RASA1: variants seen among roughly 807,000 people sequenced by gnomAD.
RASA1 encodes the protein ras GTPase-activating protein 1.
RASA1 carries 25 observed loss-of-function variants against 132.2 expected under a neutral mutation model. That is an observed-to-expected ratio of 0.19 (90% confidence interval 0.14 to 0.26). The LOEUF (loss-of-function observed/expected upper bound fraction) is 0.26, where lower values mean the gene tolerates loss of function less well. Among genes scored for constraint, RASA1 ranks in the 10% least tolerant of loss-of-function variants. The probability of loss-of-function intolerance (pLI) is 1.00; values close to 1 mark genes in which losing one functional copy is unlikely to be tolerated. For synonymous variants in RASA1, 477 were observed against 449.9 expected, an observed-to-expected ratio of 1.06 and a Z score of -0.76; for missense variants, 964 against 1,299.2, an observed-to-expected ratio of 0.74 and a Z score of 3.97.
At chr5:87,367,457 G>A (rs1172029157) in intron 11 of RASA1, among the ~76,000 whole-genome samples, 1 of 152,202 alleles carries the variant, frequency 6.6e-6, no homozygotes, top group Non-Finnish European at 1.5e-5. Context: ...GGTGATTAGT[G>A]CGCATGCTCA....
chr5:87,348,515 A>T (rs1357012288), intron 7 of RASA1, among the ~76,000 whole-genome samples: 1 of 152,034 alleles, frequency 6.6e-6, no homozygotes, highest in African/African-American at 2.4e-5. Flanking sequence ...TCAGGAGCAT[A>T]CCTATTGAAT....
chr5:87,278,415 C>T (rs894757857), intron 1 of RASA1, among the ~76,000 whole-genome samples: 2 of 150,746 alleles, frequency 1.3e-5, no homozygotes, highest in South Asian at 2.1e-4. Context: ...ATTAGCTGGG[C>T]GTGGTGGTGG....
At chr5:87,287,656 G>T (rs114703117) in intron 1 of RASA1, among the ~76,000 whole-genome samples, 1 of 138,096 alleles carries the variant, frequency 7.2e-6, no homozygotes, top group Non-Finnish European at 1.6e-5. Flanking sequence ...ATATATACAC[G>T]CCATAGATAT....
intron 9 of RASA1, among the ~76,000 whole-genome samples, chr5:87,358,496 C>T (rs1759826194): frequency 6.6e-6 from 1 of 152,186 alleles, no homozygotes; most frequent in African/African-American, 2.4e-5. Flanking sequence ...GAAGATCATA[C>T]TGACTCTGTC....
Position 87,391,112 on chromosome 5 carries a change from T to C in RASA1, c.*229T>C, listed in dbSNP as rs1053820938. 1 of 616,842 alleles carries C rather than the reference T, an allele frequency of 1.6e-6. No individual in the cohort carries two copies. Among genetic ancestry groups the C allele is most frequent in the African/African-American group, 1.8e-5 (1 of 54,310 alleles). 38.2% of individuals were successfully genotyped at this position (616,842 alleles called of 1,614,324 possible). A position where few individuals can be genotyped will look rare whatever the true frequency, so the allele number is the denominator to read the frequency against. On this transcript the variant is annotated 3_prime_UTR_variant, in exon 25 of 25. Coordinates refer to ENST00000274376, the MANE Select transcript of RASA1 (RefSeq NM_002890.3). Reference sequence around the variant, plus strand: ...ACTATTTCCACATGGAATCAATCTTTAACAACCTCTGAGCCTTGGTGTACA... The same window carrying C: ...ACTATTTCCACATGGAATCAATCTTCAACAACCTCTGAGCCTTGGTGTACA...
chr5:87,286,954 C>CATACCATATATACACCATATAT (rs1329275428), intron 1 of RASA1, among the ~76,000 whole-genome samples: 1 of 146,894 alleles, frequency 6.8e-6, no homozygotes, highest in African/African-American at 2.6e-5. Context: ...CATATATATA[C>CATACCATATATACACCATATAT]ATACCATATA....
intron 23 of RASA1, among the ~76,000 whole-genome samples, chr5:87,388,333 C>T (rs969123144): frequency 6.6e-6 from 1 of 152,166 alleles, no homozygotes; most frequent in African/African-American, 2.4e-5. Flanking sequence ...GTAATCCAAG[C>T]CCTTGTTAAA....
intron 1 of RASA1, among the ~76,000 whole-genome samples, chr5:87,308,786 G>T (rs1174733638): frequency 6.6e-6 from 1 of 152,134 alleles, no homozygotes; most frequent in African/African-American, 2.4e-5. Flanking sequence ...ATACCACTGT[G>T]TGAAAATTGC....
At position 87,268,223 on chromosome 5, in the gene RASA1, G is replaced by A; in HGVS notation, c.-229G>A. On this transcript the variant is annotated 5_prime_UTR_variant, in exon 1 of 25. Coordinates refer to ENST00000274376, the MANE Select transcript of RASA1 (RefSeq NM_002890.3). ...GTGAGGTTTGGGTGGCGTTTGTGCA[G>A]GCGTTGGGTTTTTTGCCCACTTGGC... 1 of 599,348 alleles carries A rather than the reference G, an allele frequency of 1.7e-6. No homozygotes were observed. Among genetic ancestry groups the A allele is most frequent in the Non-Finnish European group, 2.9e-6 (1 of 347,770 alleles). 37.1% of individuals were successfully genotyped at this position (599,348 alleles called of 1,614,324 possible). A position where few individuals can be genotyped will look rare whatever the true frequency, so the allele number is the denominator to read the frequency against.
intron 17 of RASA1, 120 bp downstream of exon 17, chr5:87,377,160 C>G: frequency 1.5e-6 from 2 of 1,308,062 alleles, no homozygotes; most frequent in Non-Finnish European, 2.1e-6. Flanking sequence ...ATAAGTTATT[C>G]TGTTTTCCCT....
At chr5:87,380,426 T>G in intron 19 of RASA1, 83 bp from the exon 20 acceptor site, 1 of 1,216,950 alleles carries the variant, frequency 8.2e-7, no homozygotes, top group Non-Finnish European at 1.2e-6. Flanking sequence ...TGTGGTATAT[T>G]TGGGTAAATT....
intron 1 of RASA1, among the ~76,000 whole-genome samples, chr5:87,274,235 C>T (rs940846531): frequency 1.3e-5 from 2 of 152,162 alleles, no homozygotes. Flanking sequence ...ACCTAATATT[C>T]AGACTTCTCA....
intron 1 of RASA1, among the ~76,000 whole-genome samples, chr5:87,286,916 CAT>C (rs1169150158): frequency 1.5e-4 from 22 of 147,998 alleles, no homozygotes; most frequent in Admixed American, 1.4e-3. Flanking sequence ...TAAGGAACAC[CAT>C]ATATATACAT....
At chr5:87,386,330 C>T (rs903405624) in intron 22 of RASA1, among the ~76,000 whole-genome samples, 4 of 151,996 alleles carry the variant, frequency 2.6e-5, no homozygotes, top group Admixed American at 6.6e-5. Context: ...CAGTTAACTA[C>T]GTGTATGGCC....
chr5:87,293,788 GT>G (rs1755005266), intron 1 of RASA1, among the ~76,000 whole-genome samples: 1 of 151,886 alleles, frequency 6.6e-6, no homozygotes, highest in Admixed American at 6.6e-5. Flanking sequence ...TCTACTGTGA[GT>G]TTTGGCAGAT....
intron 9 of RASA1, among the ~76,000 whole-genome samples, chr5:87,356,323 C>G (rs1415150486): frequency 6.6e-6 from 1 of 152,052 alleles, no homozygotes; most frequent in East Asian, 1.9e-4. Context: ...ACATCAGTAT[C>G]AAGGCAAGAC....
intron 6 of RASA1, among the ~76,000 whole-genome samples, chr5:87,346,118 G>A (rs917893821): frequency 1.3e-5 from 2 of 151,944 alleles, no homozygotes; most frequent in Non-Finnish European, 2.9e-5. Context: ...AGTTTGATAG[G>A]CTGTTAGCTC....
chr5:87,377,865 AT>A (rs1201761770), intron 17 of RASA1, among the ~76,000 whole-genome samples: 1 of 152,132 alleles, frequency 6.6e-6, no homozygotes, highest in East Asian at 1.9e-4. Flanking sequence ...CAAAATATAG[AT>A]TTGTCAAGGA....
At chr5:87,345,530 A>G (rs1758799178) in intron 6 of RASA1, among the ~76,000 whole-genome samples, 1 of 152,134 alleles carries the variant, frequency 6.6e-6, no homozygotes, top group South Asian at 2.1e-4. Flanking sequence ...GAACTGTTTT[A>G]GTTGTTGTAT....
Sources: allele counts gnomAD v4.1 joint callset (sites outside exome capture counted in the v4.1 genomes callset), GRCh38; gene constraint gnomAD v4.1.1; transcripts MANE v1.5; gene names NCBI Gene and HGNC (gene_info 2026-07-23, HGNC 2026-07-21).